COL14A1: variants seen among roughly 807,000 people sequenced by gnomAD.
COL14A1 encodes collagen alpha-1(XIV) chain.
A neutral mutation model predicts 230.3 loss-of-function variants in COL14A1; 136 were observed. The ratio of observed to expected loss-of-function variants is 0.59; its 90% CI spans 0.51 to 0.68. The LOEUF (loss-of-function observed/expected upper bound fraction) is 0.68. Among genes scored for constraint, COL14A1 ranks in the 30% least tolerant of loss-of-function variants. The pLI is 0.00. For missense variants in COL14A1, 1,976 were observed against 2,215.8 expected (o/e 0.89, Z 2.17); for synonymous variants, 792 against 784.1 (o/e 1.01, Z -0.17).
At chr8:120,241,975 A>G (rs1389732376) in intron 19 of COL14A1, among the ~76,000 whole-genome samples, 6 of 152,250 alleles carry the variant, frequency 3.9e-5, no homozygotes, top group Admixed American at 1.3e-4. Context: ...GAACACTGAC[A>G]TGATGCTACA....
At chr8:120,288,504 C>A (rs1309396682) in intron 33 of COL14A1, among the ~76,000 whole-genome samples, 1 of 152,134 alleles carries the variant, frequency 6.6e-6, no homozygotes, top group Non-Finnish European at 1.5e-5. Context: ...TGACATTCAA[C>A]CTGTACTTAC....
chr8:120,266,997 A>G, intron 25 of COL14A1, 114 bp downstream of exon 25: 2 of 894,712 alleles, frequency 2.2e-6, no homozygotes, highest in Admixed American at 1.9e-5. Context: ...GTGCTACCTA[A>G]TTTTCTCCTT....
chr8:120,349,696 A>G (rs1822672742), intron 45 of COL14A1, among the ~76,000 whole-genome samples: 2 of 130,454 alleles, frequency 1.5e-5, no homozygotes. Context: ...AAAAAGAATA[A>G]AAAGAAATGA....
chr8:120,339,309 A>G (rs1308619128), intron 42 of COL14A1, among the ~76,000 whole-genome samples: 4 of 152,144 alleles, frequency 2.6e-5, no homozygotes, highest in Admixed American at 2.6e-4. Context: ...TCTTTTTTAC[A>G]GTCAGGGTAG....
Position 120,231,547 on chromosome 8 carries a change from A to G in COL14A1, c.2278A>G (p.Ser760Gly). Residue 760 changes from serine to glycine, a missense_variant, in exon 19 of 48, where the codon AGC becomes GGC. By Grantham distance (56) the Ser-to-Gly change is moderately conservative. This residue lies in a region of COL14A1 where 1,791 missense variants were observed against 2,019.5 expected (regional missense o/e 0.89). Coordinates refer to ENST00000297848, the MANE Select transcript of COL14A1 (RefSeq NM_021110.4). ...SLRVKWDISD[S>G]DVQQFRVTYM... The stretch of plus-strand genomic sequence containing the variant: ...GCGGGTAAAATGGGACATTTCTGAC[A>G]GCGATGTGCAGCAGTTTAGGGTGAC... 6.2e-7 allele frequency: 1 copy of G among 1,614,102 alleles called. No individual in the cohort carries two copies. The highest frequency in any genetic ancestry group is 1.3e-5 in the African/African-American group (1 of 75,060).
chr8:120,210,577 C>T (rs933736205), intron 12 of COL14A1, among the ~76,000 whole-genome samples: 2 of 152,102 alleles, frequency 1.3e-5, no homozygotes, highest in Non-Finnish European at 2.9e-5. Context: ...AAATGATGAA[C>T]CTTTGACCTT....
At chr8:120,291,804 A>G (rs149434459) in intron 34 of COL14A1, among the ~76,000 whole-genome samples, 1 of 152,162 alleles carries the variant, frequency 6.6e-6, no homozygotes, top group Non-Finnish European at 1.5e-5. Flanking sequence ...GCACTTGATT[A>G]TTGATAGTCA....
At chr8:120,141,592 C>T (rs945435122) in intron 1 of COL14A1, among the ~76,000 whole-genome samples, 1 of 152,056 alleles carries the variant, frequency 6.6e-6, no homozygotes, top group East Asian at 1.9e-4. Flanking sequence ...TAAAGATAAG[C>T]TATGGTTACA....
intron 1 of COL14A1, among the ~76,000 whole-genome samples, chr8:120,135,630 T>C (rs1256894783): frequency 6.6e-6 from 1 of 152,190 alleles, no homozygotes; most frequent in Non-Finnish European, 1.5e-5. Flanking sequence ...CAAACTGTCT[T>C]AGAGAATATT....
chr8:120,197,997 T>C, intron 7 of COL14A1, 67 bp downstream of exon 7: 1 of 1,510,496 alleles, frequency 6.6e-7, no homozygotes, highest in South Asian at 1.2e-5. Context: ...TACCTCATTT[T>C]GCCACTTTGT....
At chr8:120,348,129 A>G (rs1423617410) in intron 45 of COL14A1, among the ~76,000 whole-genome samples, 4 of 151,390 alleles carry the variant, frequency 2.6e-5, no homozygotes, top group Non-Finnish European at 2.9e-5. Flanking sequence ...GAACCAACCC[A>G]AATGCCCATC....
intron 2 of COL14A1, among the ~76,000 whole-genome samples, chr8:120,154,285 C>G (rs1191267436): frequency 6.6e-6 from 1 of 152,124 alleles, no homozygotes. Flanking sequence ...GATTATGAAA[C>G]AGAATTTCGT....
chr8:120,304,323 A>T (rs543504753), intron 36 of COL14A1, among the ~76,000 whole-genome samples: 30 of 152,000 alleles, frequency 2.0e-4, no homozygotes, highest in African/African-American at 6.8e-4. Context: ...TCATTCTCTC[A>T]GTTGTGATAG....
intron 36 of COL14A1, among the ~76,000 whole-genome samples, chr8:120,305,000 C>T (rs565790179): frequency 7.0e-4 from 103 of 146,154 alleles, no homozygotes; most frequent in African/African-American, 2.4e-3. Context: ...TTTTTTGAGA[C>T]GGAGTTTTGC....
intron 5 of COL14A1, among the ~76,000 whole-genome samples, chr8:120,171,114 A>G (rs987551734): frequency 2.6e-5 from 4 of 151,934 alleles, no homozygotes; most frequent in African/African-American, 9.7e-5. Context: ...CTTTAAATCC[A>G]TTTTAGCACT....
In COL14A1 at chr8:120,284,225, A is replaced by C. The variant is rs547728723; in HGVS notation, c.3967+447A>C. ...ATTCTGGGATGGAGATGTACATTTG[A>C]AAGTTGTGTGTCTTTGCTATACAAG... On this transcript the variant is annotated intron_variant, in intron 32 of 47. Transcript: ENST00000297848. 2.0e-4 allele frequency among the ~76,000 whole-genome samples: 31 copies of C among 152,320 alleles called. No homozygotes were observed. The East Asian group carries it at 6.0e-3, about 29-fold the overall frequency.
At chr8:120,286,095 GT>G in intron 33 of COL14A1, 125 bp downstream of exon 33, 2 of 640,938 alleles carry the variant, frequency 3.1e-6, no homozygotes, top group Non-Finnish European at 5.5e-6. Context: ...CTTTGTGCTT[GT>G]TAACAATACC....
At chr8:120,229,268 C>A (rs1189391035) in intron 18 of COL14A1, among the ~76,000 whole-genome samples, 1 of 114,480 alleles carries the variant, frequency 8.7e-6, no homozygotes, top group South Asian at 4.0e-4. Flanking sequence ...CCCCTCCCCC[C>A]ACCCCACAAC....
intron 4 of COL14A1, among the ~76,000 whole-genome samples, chr8:120,165,536 G>C (rs191194286): frequency 2.6e-5 from 4 of 152,272 alleles, no homozygotes; most frequent in Admixed American, 1.3e-4. Flanking sequence ...ACTTCACCAC[G>C]TAGTACAGCA....
Sources: gnomAD v4.1 joint callset for allele counts (sites outside exome capture counted in the v4.1 genomes callset) on GRCh38, gnomAD v4.1.1 for gene constraint, gnomAD v4.1.1 regional missense constraint, MANE v1.5 for transcripts, NCBI Gene and HGNC (gene_info 2026-07-23, HGNC 2026-07-21) for gene names.